The following RBFOX1 variants were observed in gnomAD, a reference collection of about 807,000 sequenced individuals.
RBFOX1 encodes RNA binding protein fox-1 homolog 1.
Under a neutral mutation model 57.7 loss-of-function variants are expected in RBFOX1, and 8 were observed. The observed-to-expected ratio is 0.14, with a 90% confidence interval of 0.08 to 0.25. The LOEUF (loss-of-function observed/expected upper bound fraction) is 0.25, where lower values mean the gene tolerates loss of function less well. RBFOX1 is among the 10% of genes least tolerant of loss of function. RBFOX1 has a pLI of 1.00. For synonymous variants in RBFOX1, 326 were observed against 222.4 expected (o/e 1.47, Z -4.15); for missense variants, 611 against 548.5 (o/e 1.11, Z -1.14).
intron 3 of RBFOX1, among the ~76,000 whole-genome samples, chr16:6,845,413 C>T (rs1342194718): frequency 6.6e-6 from 1 of 151,900 alleles, no homozygotes; most frequent in Non-Finnish European, 1.5e-5. Flanking sequence ...GACAGTTGTC[C>T]CAGCACCATT....
intron 4 of RBFOX1, among the ~76,000 whole-genome samples, chr16:5,972,876 A>G (rs1188225785): frequency 6.6e-6 from 1 of 152,194 alleles, no homozygotes; most frequent in Non-Finnish European, 1.5e-5. Context: ...TCAGCTTTGA[A>G]TGCTTGAGGA....
chr16:5,713,509 CTT>C lies in RBFOX1; in HGVS notation c.318+114550_318+114551del, dbSNP rs1385499785. On this transcript the variant is annotated intron_variant, in intron 3 of 19. Coordinates refer to the RBFOX1 transcript ENST00000641259. ...CCCAAATATCTCATCTTTGTTGACT[CTT>C]TGTTCCTAAGGAGGGTATCTGTCTC... is the stretch of plus-strand genomic sequence containing the variant. 2.6e-5 allele frequency among the ~76,000 whole-genome samples: 4 copies of C among 152,156 alleles called. No homozygotes were observed. In the East Asian group the frequency reaches 7.7e-4, roughly 29 times the overall value.
chr16:6,457,645 A>G (rs905781338), intron 2 of RBFOX1, among the ~76,000 whole-genome samples: 3 of 152,126 alleles, frequency 2.0e-5, no homozygotes, highest in Non-Finnish European at 4.4e-5. Context: ...CCGTTTTATG[A>G]GCATAGTTGA....
Position 7,518,190 on chromosome 16 carries a change from C to G in RBFOX1, c.71C>G (p.Pro24Arg), listed in dbSNP as rs202043454. 3 of 1,614,072 alleles carry G rather than the reference C, an allele frequency of 1.9e-6. No homozygotes were observed. The highest frequency in any genetic ancestry group is 2.7e-5 in the African/African-American group (2 of 75,048). The stretch of plus-strand genomic sequence containing the variant: ...GCTGCCCCTGACACAATGGCTCAGC[C>G]TTACGCTTCGGCCCAGTTTGCTCCC... ...AAAAPDTMAQ[P>R]YASAQFAPPQ... Residue 24 changes from proline (P) to arginine (R), a missense_variant, in exon 5 of 16, where the codon CCT becomes CGT. By Grantham distance (103) the Pro-to-Arg change is moderately radical (BLOSUM62 -2). Coordinates refer to ENST00000550418, the MANE Select transcript of RBFOX1 (RefSeq NM_018723.4).
At chr16:6,706,918 T>A (rs1228160794) in intron 3 of RBFOX1, among the ~76,000 whole-genome samples, 1 of 152,152 alleles carries the variant, frequency 6.6e-6, no homozygotes, top group Non-Finnish European at 1.5e-5. Context: ...GCTAGTTGTT[T>A]GTACAAGCTG....
At chr16:6,291,668 T>C (rs978080217) in intron 1 of RBFOX1, among the ~76,000 whole-genome samples, 2 of 152,226 alleles carry the variant, frequency 1.3e-5, no homozygotes, top group African/African-American at 4.8e-5. Context: ...CATTATCTTA[T>C]GTAAACATGC....
intron 2 of RBFOX1, among the ~76,000 whole-genome samples, chr16:6,627,593 G>A (rs547975536): frequency 6.6e-6 from 1 of 152,266 alleles, no homozygotes; most frequent in South Asian, 2.1e-4. Context: ...ATGAACGCTA[G>A]ACTGAGAATA....
At chr16:6,695,637 A>G (rs751685520) in intron 3 of RBFOX1, among the ~76,000 whole-genome samples, 12 of 152,162 alleles carry the variant, frequency 7.9e-5, no homozygotes, top group Non-Finnish European at 1.6e-4. Flanking sequence ...GGGAGAATAT[A>G]TTGTAAAAGA....
intron 4 of RBFOX1, among the ~76,000 whole-genome samples, chr16:7,166,819 A>C (rs1175948551): frequency 6.6e-6 from 1 of 151,966 alleles, no homozygotes; most frequent in South Asian, 2.1e-4. Flanking sequence ...CCCATGCGGC[A>C]TCTCTCCCAG....
intron 4 of RBFOX1, among the ~76,000 whole-genome samples, chr16:7,086,725 C>CAG (rs2060045823): frequency 6.6e-6 from 1 of 151,996 alleles, no homozygotes; most frequent in Non-Finnish European, 1.5e-5. Flanking sequence ...AATGTATACA[C>CAG]ACACACACAC....
intron 2 of RBFOX1, among the ~76,000 whole-genome samples, chr16:6,457,438 T>TGCCCCCCCC (rs757540836): frequency 1.8e-5 from 1 of 54,292 alleles, no homozygotes; most frequent in Non-Finnish European, 3.9e-5. Context: ...TTTCCGGAAG[T>TGCCCCCCCC]CCCCCCCCCC....
At chr16:6,390,756 C>G (rs1280980701) in intron 2 of RBFOX1, among the ~76,000 whole-genome samples, 2 of 151,960 alleles carry the variant, frequency 1.3e-5, no homozygotes, top group Admixed American at 6.6e-5. Flanking sequence ...AATATCGGGG[C>G]AGGGGGTTAG....
chr16:7,353,640 T>A (rs1396168088), intron 4 of RBFOX1, among the ~76,000 whole-genome samples: 1 of 152,222 alleles, frequency 6.6e-6, no homozygotes, highest in African/African-American at 2.4e-5. Context: ...AATGAAATGA[T>A]GTCTTACATG....
intron 1 of RBFOX1, among the ~76,000 whole-genome samples, chr16:6,031,736 C>T (rs1195295632): frequency 1.3e-5 from 2 of 152,228 alleles, no homozygotes; most frequent in South Asian, 2.1e-4. Context: ...TTGCTGACTT[C>T]AGAGCCCAGC....
chr16:7,510,648 C>T (rs1488893688), intron 4 of RBFOX1, among the ~76,000 whole-genome samples: 1 of 152,216 alleles, frequency 6.6e-6, no homozygotes, highest in East Asian at 1.9e-4. Flanking sequence ...TGCAGTTTAG[C>T]TCAATTCACT....
Position 7,120,065 on chromosome 16 carries a change from A to G in RBFOX1, c.27+67967A>G, listed in dbSNP as rs373057348. On this transcript the variant is annotated intron_variant, in intron 4 of 15. Coordinates refer to ENST00000550418, the MANE Select transcript of RBFOX1 (RefSeq NM_018723.4). ...TAAAATAAACTGGAAAAAATCTAAA[A>G]GCACTTGGAAATTAAACCGCAAAGT... Among the ~76,000 whole-genome samples the G allele has an allele frequency of 4.1e-4, 63 of 152,234 alleles. No individual in the cohort carries two copies. In the East Asian group the frequency reaches 8.9e-3, roughly 21 times the overall value.
chr16:6,210,348 AAAAAAAAAACACC>A (rs2097286296), intron 1 of RBFOX1, among the ~76,000 whole-genome samples: 2 of 101,964 alleles, frequency 2.0e-5, no homozygotes, highest in African/African-American at 3.2e-5. Context: ...AAAAAAACAA[AAAAAAAAAACACC>A]AAAAAAAAAA....
intron 4 of RBFOX1, among the ~76,000 whole-genome samples, chr16:7,199,311 A>C (rs778148781): frequency 1.4e-5 from 2 of 144,802 alleles, no homozygotes; most frequent in East Asian, 3.9e-4. Flanking sequence ...TTCAGGATCC[A>C]CTGAGTGTTT....
chr16:7,438,979 A>G (rs1160591681), intron 4 of RBFOX1, among the ~76,000 whole-genome samples: 2 of 152,216 alleles, frequency 1.3e-5, no homozygotes, highest in Non-Finnish European at 2.9e-5. Flanking sequence ...ACCTGTATGT[A>G]GAGAATCTTT....
Sources: gnomAD v4.1 joint callset for allele counts (sites outside exome capture counted in the v4.1 genomes callset) on GRCh38, gnomAD v4.1.1 for gene constraint, MANE v1.5 for transcripts, NCBI Gene and HGNC (gene_info 2026-07-23, HGNC 2026-07-21) for gene names.